PCCA: variants seen among roughly 807,000 people sequenced by gnomAD.
PCCA encodes propionyl-CoA carboxylase subunit alpha.
A neutral mutation model predicts 101.3 loss-of-function variants in PCCA; 74 were observed. The observed-to-expected ratio is 0.73, with a 90% confidence interval of 0.61 to 0.89. PCCA has a LOEUF of 0.89. Ranked by LOEUF, PCCA falls within the 40% of genes least tolerant of loss-of-function variation. PCCA has a pLI of 0.00. For synonymous variants in PCCA, 294 were observed against 313.6 expected (o/e 0.94, Z 0.66); for missense variants, 891 against 907.0 (o/e 0.98, Z 0.23).
chr13:100,245,018 T>G (rs920149240), intron 8 of PCCA, among the ~76,000 whole-genome samples: 6 of 151,898 alleles, frequency 4.0e-5, no homozygotes, highest in Admixed American at 2.0e-4. Context: ...ATATGTTTAC[T>G]AGTTACTGGA....
chr13:100,251,893 A>C (rs1401699818), intron 8 of PCCA, among the ~76,000 whole-genome samples: 1 of 152,198 alleles, frequency 6.6e-6, no homozygotes, highest in African/African-American at 2.4e-5. Context: ...ATATTCTATC[A>C]AACAACCACC....
At chr13:100,119,157 G>T (rs1354836267) in intron 4 of PCCA, among the ~76,000 whole-genome samples, 1 of 151,842 alleles carries the variant, frequency 6.6e-6, no homozygotes, top group East Asian at 1.9e-4. Context: ...GCTCCTTTTT[G>T]AATCTGCCTG....
At chr13:100,314,045 G>A (rs2067138902) in intron 16 of PCCA, among the ~76,000 whole-genome samples, 1 of 151,810 alleles carries the variant, frequency 6.6e-6, no homozygotes, top group Non-Finnish European at 1.5e-5. Flanking sequence ...TTAATTTTCA[G>A]GAGAGTCCAC....
chr13:100,493,711 G>A (rs551872772), intron 21 of PCCA, among the ~76,000 whole-genome samples: 1 of 152,336 alleles, frequency 6.6e-6, no homozygotes, highest in South Asian at 2.1e-4. Context: ...GCCTGTGAGT[G>A]TTGCATGAAT....
intron 21 of PCCA, among the ~76,000 whole-genome samples, chr13:100,459,148 G>A (rs971157968): frequency 2.6e-5 from 4 of 152,150 alleles, no homozygotes; most frequent in African/African-American, 7.2e-5. Context: ...ATGACTGTGT[G>A]TGTTCATTCA....
At chr13:100,489,185 G>A (rs1290676998) in intron 21 of PCCA, among the ~76,000 whole-genome samples, 1 of 152,148 alleles carries the variant, frequency 6.6e-6, no homozygotes, top group African/African-American at 2.4e-5. Context: ...GCGAGCACCT[G>A]TAGTCCCAGC....
intron 22 of PCCA, among the ~76,000 whole-genome samples, chr13:100,523,530 T>C (rs184538308): frequency 7.2e-5 from 11 of 152,216 alleles, no homozygotes; most frequent in African/African-American, 2.6e-4. Flanking sequence ...CACAGAGCAA[T>C]GCTGGGTGAC....
intron 12 of PCCA, among the ~76,000 whole-genome samples, chr13:100,282,865 A>G (rs2064251215): frequency 6.6e-6 from 1 of 152,034 alleles, no homozygotes; most frequent in Non-Finnish European, 1.5e-5. Flanking sequence ...TAGCCTCCCT[A>G]TAGCTCCCCT....
At chr13:100,265,191 G>C (rs1250569081) in intron 10 of PCCA, among the ~76,000 whole-genome samples, 1 of 152,178 alleles carries the variant, frequency 6.6e-6, no homozygotes, top group Non-Finnish European at 1.5e-5. Context: ...CTGAATTATA[G>C]TGAAGTCAAG....
chr13:100,315,834 GTA>G (rs1471374194), intron 16 of PCCA, among the ~76,000 whole-genome samples: 1 of 152,168 alleles, frequency 6.6e-6, no homozygotes, highest in East Asian at 1.9e-4. Context: ...ATTTTTATGA[GTA>G]TGTGATTAAT....
chr13:100,156,925 T>C lies in PCCA; in HGVS notation c.415-362T>C, dbSNP rs535151749. 8.5e-5 allele frequency among the ~76,000 whole-genome samples: 13 copies of C among 152,304 alleles called. No individual in the cohort carries two copies. In the South Asian group the frequency reaches 2.5e-3, roughly 29 times the overall value. On this transcript the variant is annotated intron_variant, in intron 5 of 23. Transcript: ENST00000376285. ...CAGCCATTGTGAAATTCTCCAGAAT[T>C]GTGGGCAAAGTTAGCCTCAGGAAAA...
chr13:100,280,121 A>G (rs2063975919), intron 12 of PCCA, among the ~76,000 whole-genome samples: 1 of 151,848 alleles, frequency 6.6e-6, no homozygotes, highest in Admixed American at 6.6e-5. Context: ...AACACTAAGA[A>G]AGTCACCGCG....
chr13:100,404,598 G>C (rs1227876333), intron 19 of PCCA, among the ~76,000 whole-genome samples: 2 of 152,082 alleles, frequency 1.3e-5, no homozygotes, highest in Non-Finnish European at 2.9e-5. Context: ...CTTCCTAGCA[G>C]ATACTCAGGG....
intron 21 of PCCA, among the ~76,000 whole-genome samples, chr13:100,457,451 G>C (rs2081828674): frequency 6.6e-6 from 1 of 152,168 alleles, no homozygotes; most frequent in African/African-American, 2.4e-5. Flanking sequence ...CAGGATCAGA[G>C]ATGAAGGACA....
At chr13:100,177,496 A>T (rs1366107411) in intron 6 of PCCA, among the ~76,000 whole-genome samples, 1 of 152,190 alleles carries the variant, frequency 6.6e-6, no homozygotes, top group African/African-American at 2.4e-5. Context: ...ATTATTTAGT[A>T]AACATATTAG....
chr13:100,406,442 C>T lies in PCCA; in HGVS notation c.1747-19191C>T, dbSNP rs534640049. Among the ~76,000 whole-genome samples, 53 of 152,302 alleles carry T rather than the reference C, an allele frequency of 3.5e-4. No homozygotes were observed. The South Asian group carries it at 0.01, about 29-fold the overall frequency. ...AAAATTGGCCGGGTGCGGCCGCTCA[C>T]GCCTGTAATCCCAGCACTTTGGGAG... is the stretch of plus-strand genomic sequence containing the variant. On this transcript the variant is annotated intron_variant, in intron 19 of 23. Transcript: ENST00000376285.
At chr13:100,340,804 G>C (rs1371813532) in intron 18 of PCCA, among the ~76,000 whole-genome samples, 1 of 152,146 alleles carries the variant, frequency 6.6e-6, no homozygotes, top group African/African-American at 2.4e-5. Flanking sequence ...TCTAGAGAGA[G>C]GATTGTTTAT....
chr13:100,342,626 A>G (rs1389898982), intron 18 of PCCA, among the ~76,000 whole-genome samples: 1 of 151,898 alleles, frequency 6.6e-6, no homozygotes, highest in African/African-American at 2.4e-5. Flanking sequence ...CTCTATCTTT[A>G]CATCGTCTCT....
At position 100,127,905 on chromosome 13, in the gene PCCA, C is replaced by CA. The variant is rs1019280180; in HGVS notation, c.300+15853dup. On this transcript the variant is annotated intron_variant, in intron 4 of 23. Transcript: ENST00000376285. ...AGACTCCGTCTCAAAAAACAAAAAA[C>CA]AAAAAAAAAGATTTGATATACAGTT... is the stretch of plus-strand genomic sequence containing the variant. Among the ~76,000 whole-genome samples the CA allele has an allele frequency of 5.7e-4, 86 of 150,844 alleles. 1 individual carries two copies. In the South Asian group the frequency reaches 7.1e-3, roughly 12 times the overall value.
Sources: allele counts gnomAD v4.1 joint callset (sites outside exome capture counted in the v4.1 genomes callset), GRCh38; gene constraint gnomAD v4.1.1; transcripts MANE v1.5; gene names NCBI Gene and HGNC (gene_info 2026-07-23, HGNC 2026-07-21).